KCNQ1: variants seen among roughly 807,000 people sequenced by gnomAD.
The protein encoded by KCNQ1 is potassium voltage-gated channel subfamily Q member 1.
Under a neutral mutation model 72.4 loss-of-function variants are expected in KCNQ1, and 49 were observed. The observed-to-expected ratio is 0.68, with a 90% CI of 0.54 to 0.86. KCNQ1 has a LOEUF of 0.86. KCNQ1 is among the 40% of genes least tolerant of loss of function. KCNQ1 has a pLI of 0.00. For missense variants in KCNQ1, 790 were observed against 945.1 expected (o/e 0.84, Z 2.15); for synonymous variants, 450 against 412.6 (o/e 1.09, Z -1.10).
chr11:2,835,238 C>A (rs982189529), intron 15 of KCNQ1, among the ~76,000 whole-genome samples: 1 of 152,090 alleles, frequency 6.6e-6, no homozygotes, highest in Non-Finnish European at 1.5e-5. Context: ...GGGCTCCCTG[C>A]GGCTGGGGTG....
At position 2,536,099 on chromosome 11, in the gene KCNQ1, T is replaced by G. The variant is rs1847727511; in HGVS notation, c.477+8081T>G. Among the ~76,000 whole-genome samples, 1 of 152,176 alleles carries G rather than the reference T, an allele frequency of 6.6e-6. No individual in the cohort carries two copies. Among genetic ancestry groups the G allele is most frequent in the Non-Finnish European group, 1.5e-5 (1 of 68,024 alleles). On this transcript the variant is annotated intron_variant, in intron 2 of 15. Coordinates refer to ENST00000155840, the MANE Select transcript of KCNQ1 (RefSeq NM_000218.3). The surrounding 1 kb of genome is among the most constrained non-coding windows in gnomAD (Gnocchi z 7.4). Reference sequence around the variant, plus strand: ...TGCTGTCCCCAGCCACCCAGCCCCATGCACAGGCCACGCGGCGACAGGGGC... The same window carrying G: ...TGCTGTCCCCAGCCACCCAGCCCCAGGCACAGGCCACGCGGCGACAGGGGC...
intron 10 of KCNQ1, chr11:2,616,251 T>C (rs1589983315): frequency 5.0e-6 from 2 of 397,806 alleles, no homozygotes; most frequent in East Asian, 7.2e-5. Context: ...CCTACTTTTG[T>C]TTATGATTTT....
At position 2,671,216 on chromosome 11, in the gene KCNQ1, G is replaced by A. The variant is rs2133868594; in HGVS notation, c.1514+9135G>A. On this transcript the variant is annotated intron_variant, in intron 11 of 15. Transcript: ENST00000155840. The surrounding 1 kb of genome is among the most constrained non-coding windows in gnomAD (Gnocchi z 4.7). ...GAAAAATAAAAGGTAGAGAGACAGA[G>A]GTAGACAGGAGTCCAGGTCTGACCT... The A allele has an allele frequency of 2.5e-6, 1 of 398,614 alleles. No individual in the cohort carries two copies. The highest frequency in any genetic ancestry group is 4.4e-6 in the Non-Finnish European group (1 of 226,086). 24.7% of individuals were successfully genotyped at this position (398,614 alleles called of 1,614,324 possible).
Position 2,687,974 on chromosome 11 carries a change from T to C in KCNQ1, c.1514+25893T>C. 2.5e-6 allele frequency: 1 copy of C among 398,772 alleles called. No homozygotes were observed. The highest frequency in any genetic ancestry group is 2.1e-5 in the African/African-American group (1 of 48,760). 24.7% of individuals were successfully genotyped at this position (398,772 alleles called of 1,614,324 possible). On this transcript the variant is annotated intron_variant, in intron 11 of 15. Coordinates refer to ENST00000155840, the MANE Select transcript of KCNQ1 (RefSeq NM_000218.3). This position sits in a 1 kb window ranked among gnomAD's most constrained non-coding sequence, Gnocchi z 5.0. Reference sequence around the variant, plus strand: ...GGTCAGCCAGGCCGCTGCTTCCTGCTTCCCTTTGATGTCTCCTCGTGCGAG... The same window carrying C: ...GGTCAGCCAGGCCGCTGCTTCCTGCCTCCCTTTGATGTCTCCTCGTGCGAG...
At chr11:2,812,111 G>A (rs377687047) in intron 15 of KCNQ1, among the ~76,000 whole-genome samples, 21 of 152,214 alleles carry the variant, frequency 1.4e-4, no homozygotes, top group African/African-American at 3.4e-4. Flanking sequence ...CATGCTCCCT[G>A]CACTGACCCC....
intron 10 of KCNQ1, chr11:2,631,850 A>G (rs1425059276): frequency 1.0e-5 from 4 of 398,402 alleles, no homozygotes; most frequent in South Asian, 1.3e-4. Flanking sequence ...AGTTGTGTTA[A>G]TAATATCCCT....
At chr11:2,675,437 T>A in intron 11 of KCNQ1, 1 of 398,526 alleles carries the variant, frequency 2.5e-6, no homozygotes, top group Non-Finnish European at 4.4e-6. Context: ...TGCGTTAAAA[T>A]AAAAGATGAT....
chr11:2,576,115 C>T (rs1238740003), intron 6 of KCNQ1, among the ~76,000 whole-genome samples: 1 of 152,192 alleles, frequency 6.6e-6, no homozygotes, highest in African/African-American at 2.4e-5. Flanking sequence ...AGCCTATTTC[C>T]AAATATCGCA....
chr11:2,753,299 G>A (rs1191880573), intron 11 of KCNQ1, among the ~76,000 whole-genome samples: 1 of 152,168 alleles, frequency 6.6e-6, no homozygotes, highest in Non-Finnish European at 1.5e-5. Flanking sequence ...AAGGGGTGAG[G>A]CTGGAGCCCA....
chr11:2,754,290 G>C (rs1265268949), intron 11 of KCNQ1, among the ~76,000 whole-genome samples: 1 of 152,254 alleles, frequency 6.6e-6, no homozygotes, highest in Non-Finnish European at 1.5e-5. Flanking sequence ...ACAGGCAGTG[G>C]TGCCAGAAAG....
intron 3 of KCNQ1, 148 bp downstream of exon 3, chr11:2,570,902 G>A (rs975892885): frequency 9.1e-6 from 10 of 1,096,586 alleles, no homozygotes; most frequent in Non-Finnish European, 9.4e-6. Context: ...CAGCACAGGA[G>A]CATTGGCAGC....
At chr11:2,561,804 GAA>G (rs1848171472) in intron 2 of KCNQ1, among the ~76,000 whole-genome samples, 7 of 152,226 alleles carry the variant, frequency 4.6e-5, no homozygotes, top group Admixed American at 3.3e-4. Flanking sequence ...CAGGGGCCCA[GAA>G]GCCCTCCCCT....
Position 2,486,814 on chromosome 11 carries a change from A to G in KCNQ1, c.387-41114A>G, listed in dbSNP as rs774069122. On this transcript the variant is annotated intron_variant, in intron 1 of 15. Transcript: ENST00000155840. This position sits in a 1 kb window ranked among gnomAD's most constrained non-coding sequence, Gnocchi z 5.0. ...TCTTGCATGAACTCATTACCTAATC[A>G]TGGGGAATCTGCCCCTATGACCCAA... Among the ~76,000 whole-genome samples the G allele has an allele frequency of 2.7e-4, 41 of 152,250 alleles. No individual in the cohort carries two copies. Among genetic ancestry groups the G allele is most frequent in the Non-Finnish European group, 4.7e-4 (32 of 68,018 alleles).
intron 15 of KCNQ1, among the ~76,000 whole-genome samples, chr11:2,839,240 G>C (rs999004307): frequency 2.0e-5 from 3 of 152,200 alleles, no homozygotes; most frequent in Non-Finnish European, 4.4e-5. Context: ...CTCCTGCCCA[G>C]GCCCCTTCCA....
At position 2,509,493 on chromosome 11, in the gene KCNQ1, A is replaced by G. The variant is rs1036855483; in HGVS notation, c.387-18435A>G. ...TGTCCTAGGAGGAGTCTCTGTCCTG[A>G]GCAGAGACAGAGGAAGGCAGGGCAG... On this transcript the variant is annotated intron_variant, in intron 1 of 15. Coordinates refer to ENST00000155840, the MANE Select transcript of KCNQ1 (RefSeq NM_000218.3). The surrounding 1 kb of genome is among the most constrained non-coding windows in gnomAD (Gnocchi z 6.3). 2.6e-5 allele frequency among the ~76,000 whole-genome samples: 4 copies of G among 151,974 alleles called. No homozygotes were observed. Among genetic ancestry groups the G allele is most frequent in the African/African-American group, 9.7e-5 (4 of 41,350 alleles).
intron 10 of KCNQ1, chr11:2,634,286 C>T (rs1849414970): frequency 5.4e-6 from 2 of 367,316 alleles, no homozygotes; most frequent in South Asian, 3.0e-4. Flanking sequence ...TGTCATTTAC[C>T]TTAGGTATAT....
rs79197722 is a variant in KCNQ1 at position 2,798,155 on chromosome 11, A to T, written c.1794+20118A>T. Among the ~76,000 whole-genome samples, 45 of 152,210 alleles carry T rather than the reference A, an allele frequency of 3.0e-4. No individual in the cohort carries two copies. In the East Asian group the frequency reaches 7.6e-3, roughly 26 times the overall value. On this transcript the variant is annotated intron_variant, in intron 15 of 15. Transcript: ENST00000155840. ...CCCACTTGTGGCCCAGGCCCAAGCA[A>T]GCCTGCATGGTGCAAACCCACATGG...
chr11:2,648,096 C>G, intron 10 of KCNQ1: 1 of 392,038 alleles, frequency 2.6e-6, no homozygotes, highest in African/African-American at 2.1e-5. Flanking sequence ...TGCACATCTA[C>G]TCAGAAGCTG....
At chr11:2,587,224 C>T (rs1275816138) in intron 8 of KCNQ1, among the ~76,000 whole-genome samples, 1 of 152,228 alleles carries the variant, frequency 6.6e-6, no homozygotes, top group African/African-American at 2.4e-5. Flanking sequence ...ACGCTGTGTA[C>T]CCTGGCACCT....
Sources: gnomAD v4.1 joint callset for allele counts (sites outside exome capture counted in the v4.1 genomes callset) on GRCh38, gnomAD v4.1.1 for gene constraint, Gnocchi (gnomAD v3.1) non-coding constraint, MANE v1.5 for transcripts, NCBI Gene and HGNC (gene_info 2026-07-23, HGNC 2026-07-21) for gene names.